The following HGF variants were observed in gnomAD, a reference collection of about 807,000 sequenced individuals.
The protein encoded by HGF is fibroblast-derived tumor cytotoxic factor.
A neutral mutation model predicts 111.6 loss-of-function variants in HGF; 39 were observed. The ratio of observed to expected loss-of-function variants is 0.35; its 90% confidence interval spans 0.27 to 0.46. The LOEUF (loss-of-function observed/expected upper bound fraction) is 0.46. Ranked by LOEUF, HGF falls within the 20% of genes least tolerant of loss-of-function variation. HGF has a pLI of 1.00. For synonymous variants in HGF, 285 were observed against 294.8 expected, an observed-to-expected ratio of 0.97 and a Z score of 0.34; for missense variants, 735 against 910.5, an observed-to-expected ratio of 0.81 and a Z score of 2.48.
chr7:81,751,641 C>T, intron 5 of HGF: 1 of 996,734 alleles, frequency 1.0e-6, no homozygotes, highest in Non-Finnish European at 1.2e-6. Flanking sequence ...GGTCAAGCTT[C>T]CAGTGATCCC....
chr7:81,713,989 C>CGTGT (rs10539468), intron 11 of HGF, among the ~76,000 whole-genome samples: 1,656 of 142,394 alleles, frequency 0.012, 27 homozygotes, highest in African/African-American at 0.035. Context: ...GGTGTGTGTG[C>CGTGT]GTGTGTGTGT....
At chr7:81,712,012 C>T (rs375901515) in intron 11 of HGF, among the ~76,000 whole-genome samples, 5 of 152,098 alleles carry the variant, frequency 3.3e-5, no homozygotes, top group East Asian at 1.9e-4. Context: ...TTATACATCA[C>T]GTTTACTGGA....
chr7:81,702,315 G>A lies in HGF; in HGVS notation c.*266C>T, dbSNP rs577625800. 1.2e-4 allele frequency: 44 copies of A among 371,424 alleles called. No individual in the cohort carries two copies. The highest frequency in any genetic ancestry group is 1.0e-3 in the South Asian group (21 of 20,536). The allele number at this position is 371,424 out of a possible 1,614,324, so 23.0% of individuals were successfully genotyped here. ...TCTTTATCATCCAGCAAATATACCT[G>A]TGTGTTTTTTTAATCCATTCAAGTA... On this transcript the variant is annotated 3_prime_UTR_variant, in exon 18 of 18. Coordinates refer to ENST00000222390, the MANE Select transcript of HGF (RefSeq NM_000601.6).
At chr7:81,763,137 G>C (rs2116243688) in intron 1 of HGF, 1 of 452,878 alleles carries the variant, frequency 2.2e-6, no homozygotes, top group Non-Finnish European at 4.0e-6. Flanking sequence ...AATCAGGACA[G>C]AGTTCACACT....
intron 1 of HGF, among the ~76,000 whole-genome samples, chr7:81,767,390 C>A (rs1379982517): frequency 2.0e-5 from 3 of 151,908 alleles, no homozygotes; most frequent in Non-Finnish European, 2.9e-5. Flanking sequence ...TAACTGAGGT[C>A]TTTGAACCGG....
intron 2 of HGF, among the ~76,000 whole-genome samples, chr7:81,762,073 C>T (rs1789113765): frequency 6.6e-6 from 1 of 152,018 alleles, no homozygotes; most frequent in Admixed American, 6.6e-5. Flanking sequence ...GTTAAGGACC[C>T]CTGTAGTAAG....
chr7:81,728,606 C>T (rs938979846), intron 8 of HGF, among the ~76,000 whole-genome samples: 1 of 152,192 alleles, frequency 6.6e-6, no homozygotes, highest in Non-Finnish European at 1.5e-5. Context: ...AGCATGACAA[C>T]TGTCAATTTT....
In HGF at chr7:81,763,067, CAAAT is replaced by C. The variant is rs577804391; in HGVS notation, c.89-199_89-196del. 2.1e-3 allele frequency: 1,199 copies of C among 569,800 alleles called. 1 individual carries two copies. The highest frequency in any genetic ancestry group is 3.3e-3 in the Non-Finnish European group (1,057 of 321,990). The allele number at this position is 569,800 out of a possible 1,614,324, so 35.3% of individuals were successfully genotyped here. On this transcript the variant is annotated intron_variant, in intron 1 of 17. Transcript: ENST00000222390. ...GAGGAATATTGTAATCAAGGAAAAA[CAAAT>C]AACTTGTCATGTAGAGTCACTCATT... is the stretch of plus-strand genomic sequence containing the variant.
intron 4 of HGF, 66 bp from the exon 5 acceptor site, chr7:81,752,328 C>G (rs1788546724): frequency 7.6e-7 from 1 of 1,318,754 alleles, no homozygotes; most frequent in Non-Finnish European, 1.1e-6. Flanking sequence ...ATTAATTTTA[C>G]TAATTAGTGG....
At chr7:81,762,624 A>T (rs1453025924) in intron 2 of HGF, 83 bp downstream of exon 2, 1 of 1,032,850 alleles carries the variant, frequency 9.7e-7, no homozygotes, top group Non-Finnish European at 1.5e-6. Context: ...AATCACATTG[A>T]CTACAACACA....
chr7:81,745,230 C>A (rs1788189416), intron 5 of HGF, 110 bp from the exon 6 acceptor site: 2 of 1,131,834 alleles, frequency 1.8e-6, no homozygotes, highest in Admixed American at 3.6e-5. Flanking sequence ...TTTAAAAAAT[C>A]CTACACATCA....
At chr7:81,748,212 C>T (rs997822989) in intron 5 of HGF, among the ~76,000 whole-genome samples, 50 of 152,238 alleles carry the variant, frequency 3.3e-4, no homozygotes, top group South Asian at 8.3e-4. Context: ...ATAGCAATAA[C>T]TTTAGAAAGT....
At chr7:81,768,083 A>G (rs1030933408) in intron 1 of HGF, among the ~76,000 whole-genome samples, 2 of 152,114 alleles carry the variant, frequency 1.3e-5, no homozygotes, top group African/African-American at 4.8e-5. Context: ...TTCTGCCTGT[A>G]CTCAGGAAAC....
At chr7:81,769,107 A>G (rs1465459681) in intron 1 of HGF, among the ~76,000 whole-genome samples, 1 of 152,136 alleles carries the variant, frequency 6.6e-6, no homozygotes, top group Non-Finnish European at 1.5e-5. Flanking sequence ...ACAACAAAAT[A>G]CAGATGTTTC....
chr7:81,706,162 T>C, intron 15 of HGF, 125 bp downstream of exon 15: 1 of 829,108 alleles, frequency 1.2e-6, no homozygotes, highest in Non-Finnish European at 2.1e-6. Context: ...TACATATATA[T>C]ACAGCATGTA....
intron 7 of HGF, among the ~76,000 whole-genome samples, chr7:81,731,788 T>C (rs921843631): frequency 8.5e-5 from 13 of 152,142 alleles, no homozygotes; most frequent in Non-Finnish European, 1.3e-4. Context: ...ATAAAACTGA[T>C]GGGAAAGGAG....
chr7:81,742,850 A>G, intron 7 of HGF: 2 of 1,594,070 alleles, frequency 1.3e-6, no homozygotes, highest in Non-Finnish European at 1.7e-6. Context: ...AAGATTAGAG[A>G]CATCTGTGAT....
At chr7:81,722,929 G>A (rs76024327) in intron 9 of HGF, among the ~76,000 whole-genome samples, 2,999 of 148,384 alleles carry the variant, frequency 0.02, 41 homozygotes, top group Non-Finnish European at 0.028. Flanking sequence ...AAATAATACC[G>A]AACGTTTTTA....
chr7:81,744,370 G>C (rs1182395262), intron 6 of HGF, among the ~76,000 whole-genome samples: 1 of 151,106 alleles, frequency 6.6e-6, no homozygotes, highest in Admixed American at 6.6e-5. Context: ...GGGGATAAAA[G>C]ATAGATTAGT....
Sources: allele counts gnomAD v4.1 joint callset (sites outside exome capture counted in the v4.1 genomes callset), GRCh38; gene constraint gnomAD v4.1.1; transcripts MANE v1.5; gene names NCBI Gene and HGNC (gene_info 2026-07-23, HGNC 2026-07-21).